Variants in RARB observed in about 807,000 individuals in gnomAD.
RARB encodes retinoic acid receptor beta, also known as HBV-activated protein.
Under a neutral mutation model 51.9 loss-of-function variants are expected in RARB, and 17 were observed. The observed-to-expected ratio is 0.33, with a 90% CI of 0.22 to 0.49. The LOEUF (loss-of-function observed/expected upper bound fraction) is 0.49. Ranked by LOEUF, RARB falls within the 20% of genes least tolerant of loss-of-function variation. The pLI is 0.99. For synonymous variants in RARB, 215 were observed against 195.4 expected (o/e 1.10, Z -0.84); for missense variants, 369 against 550.8 (o/e 0.67, Z 3.30).
upstream of RARB, among the ~76,000 whole-genome samples, chr3:25,423,474 T>A (rs1707912117): frequency 6.6e-6 from 1 of 152,166 alleles, no homozygotes; most frequent in Non-Finnish European, 1.5e-5. Flanking sequence ...GCAATATGTA[T>A]CATAAGACCA....
At chr3:25,064,185 G>C (rs1167776670) in intron 3 of RARB, among the ~76,000 whole-genome samples, 1 of 151,990 alleles carries the variant, frequency 6.6e-6, no homozygotes, top group Non-Finnish European at 1.5e-5. Flanking sequence ...ATGAGAACTG[G>C]AGTTTTAGAT....
chr3:25,122,003 T>C (rs1209922780), intron 3 of RARB, among the ~76,000 whole-genome samples: 4 of 152,204 alleles, frequency 2.6e-5, no homozygotes, highest in South Asian at 4.1e-4. Context: ...TCTGATTCAA[T>C]GTGACATTCT....
intron 5 of RARB, among the ~76,000 whole-genome samples, chr3:25,255,034 A>T (rs1229154170): frequency 6.6e-6 from 1 of 152,110 alleles, no homozygotes; most frequent in Non-Finnish European, 1.5e-5. Context: ...TCTGTGTCTA[A>T]ACTAGGGGCT....
At chr3:25,300,140 C>G (rs1260834872) in intron 5 of RARB, among the ~76,000 whole-genome samples, 1 of 152,202 alleles carries the variant, frequency 6.6e-6, no homozygotes, top group Non-Finnish European at 1.5e-5. Context: ...TAAATTTAAC[C>G]TGTGTTTCTG....
intron 3 of RARB, among the ~76,000 whole-genome samples, chr3:25,528,249 T>G (rs1231330823): frequency 1.3e-5 from 2 of 152,166 alleles, no homozygotes; most frequent in African/African-American, 4.8e-5. Context: ...AAGGACAGTG[T>G]GCCCAGATGG....
intron 2 of RARB, among the ~76,000 whole-genome samples, chr3:24,887,989 C>A (rs922799379): frequency 6.6e-6 from 1 of 152,116 alleles, no homozygotes; most frequent in Non-Finnish European, 1.5e-5. Flanking sequence ...CTATCAGCAA[C>A]ATGTGAGTGC....
chr3:24,991,437 C>G (rs1696907067), intron 2 of RARB, among the ~76,000 whole-genome samples: 1 of 122,592 alleles, frequency 8.2e-6, no homozygotes, highest in Non-Finnish European at 1.8e-5. Context: ...GAGCAAAACT[C>G]TGTCTCAAAA....
chr3:25,359,771 G>A (rs963210816), intron 5 of RARB, among the ~76,000 whole-genome samples: 2 of 152,166 alleles, frequency 1.3e-5, no homozygotes, highest in Admixed American at 6.5e-5. Context: ...CAGTTTCCAT[G>A]TTGTTATGAG....
chr3:25,397,880 T>C (rs1157173793), intron 5 of RARB, among the ~76,000 whole-genome samples: 1 of 61,274 alleles, frequency 1.6e-5, no homozygotes, highest in East Asian at 1.0e-3. Context: ...ATGAGTTGTT[T>C]TGATTAGAAA....
intron 2 of RARB, among the ~76,000 whole-genome samples, chr3:24,951,259 G>T (rs964029183): frequency 2.0e-5 from 3 of 152,102 alleles, no homozygotes; most frequent in African/African-American, 7.2e-5. Context: ...GCAGAAAGGA[G>T]GCTCCTTGTT....
intron 2 of RARB, among the ~76,000 whole-genome samples, chr3:24,879,593 T>A (rs1051493738): frequency 8.7e-5 from 13 of 148,750 alleles, no homozygotes; most frequent in Non-Finnish European, 1.8e-4. Flanking sequence ...GGAGGCCAAG[T>A]GGGAGTTTCA....
intron 2 of RARB, among the ~76,000 whole-genome samples, chr3:24,862,342 G>A (rs889162799): frequency 5.3e-5 from 8 of 152,150 alleles, no homozygotes; most frequent in Non-Finnish European, 7.4e-5. Context: ...TCAAGGAAAC[G>A]AATGTCCAAA....
chr3:25,417,802 C>G (rs1008144774), intron 5 of RARB, among the ~76,000 whole-genome samples: 3 of 152,186 alleles, frequency 2.0e-5, no homozygotes, highest in Non-Finnish European at 4.4e-5. Flanking sequence ...ATAGACTAAA[C>G]TTGACTTTTA....
intron 5 of RARB, among the ~76,000 whole-genome samples, chr3:25,357,119 A>T (rs7637258): frequency 0.56 from 85,619 of 151,956 alleles, 24,889 homozygotes; most frequent in East Asian, 0.87. Flanking sequence ...GAACTAATTT[A>T]TACTCCCACC....
chr3:25,207,704 C>G (rs565080531), intron 5 of RARB, among the ~76,000 whole-genome samples: 8 of 152,054 alleles, frequency 5.3e-5, no homozygotes, highest in Non-Finnish European at 1.2e-4. Context: ...CTAACATACC[C>G]CAAGTAGTTA....
intron 1 of RARB, among the ~76,000 whole-genome samples, chr3:25,448,316 T>C (rs1424141930): frequency 6.6e-6 from 1 of 152,200 alleles, no homozygotes; most frequent in African/African-American, 2.4e-5. Context: ...CAAGATTTTC[T>C]TAACATTTTT....
At chr3:25,297,052 A>G (rs376587502) in intron 5 of RARB, among the ~76,000 whole-genome samples, 19 of 152,280 alleles carry the variant, frequency 1.2e-4, no homozygotes, top group African/African-American at 4.3e-4. Flanking sequence ...TACAATGGCT[A>G]AAGACCGAAG....
intron 2 of RARB, among the ~76,000 whole-genome samples, chr3:25,486,687 G>A (rs1696491105): frequency 1.3e-5 from 2 of 152,178 alleles, no homozygotes; most frequent in South Asian, 2.1e-4. Context: ...AAGTTGCTGA[G>A]TTTGGAAGGG....
chr3:25,039,163 T>C (rs1319448806), intron 2 of RARB, among the ~76,000 whole-genome samples: 3 of 152,218 alleles, frequency 2.0e-5, no homozygotes, highest in African/African-American at 7.2e-5. Context: ...TGTGATCACA[T>C]ATCCTATTTC....
Sources: allele counts gnomAD v4.1 joint callset (sites outside exome capture counted in the v4.1 genomes callset), GRCh38; gene constraint gnomAD v4.1.1; transcripts MANE v1.5; gene names NCBI Gene and HGNC (gene_info 2026-07-23, HGNC 2026-07-21).